Variants in DAD1 observed in about 807,000 individuals in gnomAD.
DAD1 encodes the protein dolichyl-diphosphooligosaccharide--protein glycosyltransferase subunit DAD1.
In DAD1, 4 loss-of-function variants were observed where a neutral mutation model predicts 9.0. That is an observed-to-expected ratio of 0.44 (90% confidence interval 0.22 to 1.01). The LOEUF (loss-of-function observed/expected upper bound fraction) is 1.01. Among genes scored for constraint, DAD1 ranks in the 50% least tolerant of loss-of-function variants. DAD1 has a pLI of 0.24. For missense variants in DAD1, 119 were observed against 137.3 expected (o/e 0.87, Z 0.67); for synonymous variants, 60 against 62.5 (o/e 0.96, Z 0.19).
intron 1 of DAD1, among the ~76,000 whole-genome samples, chr14:22,578,266 T>A (rs553468869): frequency 4.0e-5 from 4 of 100,640 alleles, no homozygotes; most frequent in Admixed American, 1.0e-4. Flanking sequence ...AAAAAAAAAA[T>A]TAAAAAATAA....
intron 1 of DAD1, among the ~76,000 whole-genome samples, chr14:22,581,007 A>T (rs531038395): frequency 1.3e-5 from 2 of 152,224 alleles, no homozygotes; most frequent in Non-Finnish European, 2.9e-5. Flanking sequence ...GGCACTTCCA[A>T]AGATGGAAAT....
Position 22,588,940 on chromosome 14 carries a change from C to T in DAD1, c.211+7G>A, listed in dbSNP as rs1290809791. The T allele has an allele frequency of 1.9e-6, 3 of 1,613,740 alleles. No individual in the cohort carries two copies. The highest frequency in any genetic ancestry group is 2.5e-6 in the Non-Finnish European group (3 of 1,179,854). ...ATTATTATTATGATCACTTATAGAACCATTACCCGCTAGGATGAAACTCCC... is the reference window on the plus strand; with the variant it reads ...ATTATTATTATGATCACTTATAGAATCATTACCCGCTAGGATGAAACTCCC... On this transcript the variant is annotated splice_region_variant and intron_variant, in intron 1 of 2. Transcript: ENST00000250498.
chr14:22,588,995 A>G lies in DAD1; in HGVS notation c.163T>C (p.Ser55Pro). Reference sequence around the variant, plus strand: ...CAAGAGATGAAGCCCGAGAGAAAAGAGTTGAAGGGGAAGGTCCCCACGAGG... The same window carrying G: ...CAAGAGATGAAGCCCGAGAGAAAAGGGTTGAAGGGGAAGGTCCCCACGAGG... ...CLLVGTFPFN[S>P]FLSGFISCVG... The change falls in exon 1 of 3, where the codon TCT becomes CCT. Residue 55 changes from serine to proline, a missense_variant. Transcript: ENST00000250498. 1 of 1,614,188 alleles carries G rather than the reference A, an allele frequency of 6.2e-7. No individual in the cohort carries two copies. The highest frequency in any genetic ancestry group is 1.1e-5 in the South Asian group (1 of 91,086).
At chr14:22,572,989 T>C in intron 2 of DAD1, among the ~76,000 whole-genome samples, 1 of 152,234 alleles carries the variant, frequency 6.6e-6, no homozygotes, top group East Asian at 1.9e-4. Flanking sequence ...GCAATAGCTG[T>C]TATCCATTGC....
chr14:22,589,022 G>A lies in DAD1; in HGVS notation c.136C>T (p.Leu46Phe). Residue 46 changes from leucine to phenylalanine, a missense_variant, in exon 1 of 3, where the codon CTC becomes TTC. Leu to Phe is a conservative substitution (Grantham distance 22). Transcript: ENST00000250498. Reference protein sequence around the residue: ...LTGALQFGYCLLVGTFPFNSF... With the variant: ...LTGALQFGYCFLVGTFPFNSF... Reference sequence around the variant, plus strand: ...TTGAAGGGGAAGGTCCCCACGAGGAGACAGTAACCGAACTGCAGCGCCCCG... The same window carrying A: ...TTGAAGGGGAAGGTCCCCACGAGGAAACAGTAACCGAACTGCAGCGCCCCG... 6.2e-7 allele frequency: 1 copy of A among 1,614,222 alleles called. No homozygotes were observed. Among genetic ancestry groups the A allele is most frequent in the Non-Finnish European group, 8.5e-7 (1 of 1,180,036 alleles).
intron 1 of DAD1, among the ~76,000 whole-genome samples, chr14:22,579,116 T>C (rs1472636415): frequency 6.6e-6 from 1 of 152,056 alleles, no homozygotes; most frequent in Non-Finnish European, 1.5e-5. Context: ...TTCTAGCAGC[T>C]GCTTATTTGT....
intron 2 of DAD1, among the ~76,000 whole-genome samples, chr14:22,569,007 AC>A (rs2037020021): frequency 1.3e-5 from 2 of 152,060 alleles, no homozygotes; most frequent in African/African-American, 4.8e-5. Flanking sequence ...CCCTCCTCTG[AC>A]TTCTTGTCTC....
chr14:22,588,738 G>A (rs1260349188), intron 1 of DAD1, among the ~76,000 whole-genome samples: 1 of 152,170 alleles, frequency 6.6e-6, no homozygotes, highest in African/African-American at 2.4e-5. Flanking sequence ...GGTTTCTTTA[G>A]ACTTTTAAGT....
Position 22,578,792 on chromosome 14 carries a change from G to A in DAD1, c.212-3559C>T, listed in dbSNP as rs376004333. Among the ~76,000 whole-genome samples the A allele has an allele frequency of 2.3e-4, 35 of 152,078 alleles. No homozygotes were observed. The East Asian group carries it at 4.6e-3, about 20-fold the overall frequency. On this transcript the variant is annotated intron_variant, in intron 1 of 2. Transcript: ENST00000250498. ...TTATCAAGTTGTACAATTAAATTTC[G>A]CACTCTGTTAAAGGAAAAAAAATAT...
At chr14:22,584,009 T>A (rs1283904182) in intron 1 of DAD1, among the ~76,000 whole-genome samples, 1 of 152,132 alleles carries the variant, frequency 6.6e-6, no homozygotes, top group Non-Finnish European at 1.5e-5. Flanking sequence ...GCAGGACCAC[T>A]AGGCAGGGTT....
intron 2 of DAD1, among the ~76,000 whole-genome samples, chr14:22,571,664 A>T: frequency 8.8e-6 from 1 of 113,464 alleles, no homozygotes; most frequent in Non-Finnish European, 1.7e-5. Flanking sequence ...ACAGAGTCTT[A>T]CTCTTGCCAG....
intron 1 of DAD1, among the ~76,000 whole-genome samples, chr14:22,584,797 T>C (rs1415555957): frequency 6.6e-6 from 1 of 152,208 alleles, no homozygotes; most frequent in Non-Finnish European, 1.5e-5. Context: ...TAATTTTACT[T>C]TGGGAAACAC....
intron 2 of DAD1, 117 bp from the exon 3 acceptor site, chr14:22,565,254 T>C (rs1051975902): frequency 8.6e-6 from 5 of 579,394 alleles, no homozygotes; most frequent in African/African-American, 5.8e-5. Context: ...CTCAGGACAA[T>C]ATTTAAACCA....
At chr14:22,570,613 G>A (rs773542411) in intron 2 of DAD1, among the ~76,000 whole-genome samples, 85 of 152,138 alleles carry the variant, frequency 5.6e-4, no homozygotes, top group Non-Finnish European at 9.7e-4. Context: ...CCTTCCCGAG[G>A]TAATTTTCTA....
chr14:22,574,148 C>T (rs539043926), intron 2 of DAD1, among the ~76,000 whole-genome samples: 1 of 152,172 alleles, frequency 6.6e-6, no homozygotes, highest in East Asian at 1.9e-4. Flanking sequence ...CATGGGATAC[C>T]GGAAGGAGTA....
At chr14:22,570,995 G>A (rs776132105) in intron 2 of DAD1, among the ~76,000 whole-genome samples, 1 of 146,000 alleles carries the variant, frequency 6.8e-6, no homozygotes. Context: ...CAGAACACCT[G>A]AGATGGACTG....
chr14:22,578,314 C>T (rs2037092415), intron 1 of DAD1, among the ~76,000 whole-genome samples: 2 of 152,066 alleles, frequency 1.3e-5, no homozygotes, highest in South Asian at 4.1e-4. Flanking sequence ...CCTGTAATCC[C>T]CGCACTTTGG....
chr14:22,575,978 G>C (rs2037075278), intron 1 of DAD1, among the ~76,000 whole-genome samples: 1 of 152,176 alleles, frequency 6.6e-6, no homozygotes, highest in African/African-American at 2.4e-5. Flanking sequence ...TATGCTGGGG[G>C]AACAAATGTA....
intron 2 of DAD1, among the ~76,000 whole-genome samples, chr14:22,573,811 T>G (rs1220283159): frequency 6.6e-6 from 1 of 151,360 alleles, no homozygotes; most frequent in African/African-American, 2.4e-5. Context: ...TTACCTGAAC[T>G]AACAGAACTG....
Sources: allele counts gnomAD v4.1 joint callset (sites outside exome capture counted in the v4.1 genomes callset), GRCh38; gene constraint gnomAD v4.1.1; transcripts MANE v1.5; gene names NCBI Gene and HGNC (gene_info 2026-07-23, HGNC 2026-07-21).